The following ERGIC1 variants were observed in gnomAD, a reference collection of about 807,000 sequenced individuals.
ERGIC1 encodes the protein endoplasmic reticulum-Golgi intermediate compartment protein 1.
Under a neutral mutation model 38.3 loss-of-function variants are expected in ERGIC1, and 19 were observed. That is an observed-to-expected ratio of 0.50 (90% confidence interval 0.35 to 0.73). The LOEUF is 0.73. ERGIC1 is among the 30% of genes least tolerant of loss of function. The pLI is 0.01. For synonymous variants in ERGIC1, 124 were observed against 157.6 expected, an observed-to-expected ratio of 0.79 and a Z score of 1.60; for missense variants, 294 against 389.2, an observed-to-expected ratio of 0.76 and a Z score of 2.06.
At chr5:172,882,240 A>G (rs1275477164) in intron 1 of ERGIC1, among the ~76,000 whole-genome samples, 3 of 152,214 alleles carry the variant, frequency 2.0e-5, no homozygotes, top group African/African-American at 7.2e-5. Context: ...CTAGATTGGC[A>G]GCTTCATGGG....
intron 1 of ERGIC1, among the ~76,000 whole-genome samples, chr5:172,859,987 T>G (rs1438257150): frequency 6.6e-6 from 1 of 152,256 alleles, no homozygotes; most frequent in Non-Finnish European, 1.5e-5. Context: ...CTGCCAGAGG[T>G]GCTTCTGTAG....
At chr5:172,904,940 G>A (rs1354443120) in intron 3 of ERGIC1, among the ~76,000 whole-genome samples, 1 of 152,178 alleles carries the variant, frequency 6.6e-6, no homozygotes, top group East Asian at 1.9e-4. Context: ...TCCCTGCCCA[G>A]CACCGCAGCC....
At chr5:172,933,555 A>G (rs886479937) in intron 8 of ERGIC1, 1 of 152,182 alleles carries the variant, frequency 6.6e-6, no homozygotes, top group African/African-American at 2.4e-5. Context: ...CGGTCTGAGG[A>G]AGGGGCTGTG....
At chr5:172,888,529 G>A (rs942243120) in intron 1 of ERGIC1, among the ~76,000 whole-genome samples, 170 bp from the exon 2 acceptor site, 6 of 152,130 alleles carry the variant, frequency 3.9e-5, no homozygotes, top group Admixed American at 3.9e-4. Flanking sequence ...GTGGGGAGCA[G>A]GGGTTCCATC....
At chr5:172,884,463 C>G (rs746928986) in intron 1 of ERGIC1, among the ~76,000 whole-genome samples, 4 of 152,050 alleles carry the variant, frequency 2.6e-5, no homozygotes, top group Non-Finnish European at 5.9e-5. Context: ...TTATGTTGCC[C>G]AGGCTTTTCT....
intron 2 of ERGIC1, among the ~76,000 whole-genome samples, chr5:172,894,168 TTGAATGCTTCCCCGGTACAACTTTTTC>T: frequency 8.7e-6 from 1 of 115,074 alleles, no homozygotes; most frequent in Non-Finnish European, 1.8e-5. Context: ...AGTAAAACCT[TTGAATGCTTCCCCGGTACAACTTTTTC>T]TTTTTTTTTT....
At chr5:172,902,923 T>C (rs1762921606) in intron 3 of ERGIC1, among the ~76,000 whole-genome samples, 1 of 152,140 alleles carries the variant, frequency 6.6e-6, no homozygotes, top group South Asian at 2.1e-4. Context: ...ATCGAACTCA[T>C]GCCTCAGACT....
chr5:172,838,642 GGTT>G (rs1761087713), intron 1 of ERGIC1, among the ~76,000 whole-genome samples: 1 of 152,238 alleles, frequency 6.6e-6, no homozygotes, highest in Admixed American at 6.5e-5. Context: ...ATGTTGGCCA[GGTT>G]GTTCTTGAAC....
At chr5:172,836,274 T>C (rs974075963) in intron 1 of ERGIC1, among the ~76,000 whole-genome samples, 1 of 151,836 alleles carries the variant, frequency 6.6e-6, no homozygotes, top group Non-Finnish European at 1.5e-5. Flanking sequence ...GTAAGGAAAA[T>C]GGGTAAGGCC....
intron 4 of ERGIC1, among the ~76,000 whole-genome samples, chr5:172,912,894 A>G (rs547796): frequency 0.99 from 150,913 of 152,072 alleles, 74,884 homozygotes; most frequent in East Asian, 1. Flanking sequence ...TCAGCCTCCC[A>G]AGTAGCTGGG....
In ERGIC1 at chr5:172,915,162, C is replaced by G. The variant is rs1763328953; in HGVS notation, c.375+324C>G. 39 of 648,006 alleles carry G rather than the reference C, an allele frequency of 6.0e-5. No individual in the cohort carries two copies. In the South Asian group the frequency reaches 6.8e-4, roughly 11 times the overall value. The allele number at this position is 648,006 out of a possible 1,614,324, so 40.1% of individuals were successfully genotyped here. On this transcript the variant is annotated intron_variant, in intron 5 of 9. Transcript: ENST00000393784. ...CAGCTCTACCCCTTCTTGGCCCCTA[C>G]AAGTCACTTGACCCATCTTAGGCTG...
rs188249769 is a variant in ERGIC1 at position 172,840,883 on chromosome 5, A to G, written c.20+6450A>G. Among the ~76,000 whole-genome samples the G allele has an allele frequency of 2.3e-3, 346 of 152,308 alleles. 2 individuals are homozygous for G. Among genetic ancestry groups the G allele is most frequent in the African/African-American group, 8.0e-3 (331 of 41,574 alleles). On this transcript the variant is annotated intron_variant, in intron 1 of 9. Transcript: ENST00000393784. Reference sequence around the variant, plus strand: ...TAAAATGTATAAAGCCCTGGTCTGTATGATTGATTTGACTCAGTGTCCTCC... The same window carrying G: ...TAAAATGTATAAAGCCCTGGTCTGTGTGATTGATTTGACTCAGTGTCCTCC...
At chr5:172,939,637 C>G (rs1002406101) in intron 9 of ERGIC1, among the ~76,000 whole-genome samples, 106 of 152,370 alleles carry the variant, frequency 7.0e-4, no homozygotes, top group African/African-American at 2.4e-3. Flanking sequence ...CGTGGGCTGG[C>G]AAAGCCCTGG....
intron 1 of ERGIC1, among the ~76,000 whole-genome samples, chr5:172,838,339 G>A (rs1761082080): frequency 6.6e-6 from 1 of 152,168 alleles, no homozygotes; most frequent in African/African-American, 2.4e-5. Flanking sequence ...AGCCAAGCAT[G>A]GACCCCCCTC....
chr5:172,894,819 C>T (rs1561722588), intron 2 of ERGIC1, among the ~76,000 whole-genome samples: 2 of 152,252 alleles, frequency 1.3e-5, no homozygotes, highest in East Asian at 3.8e-4. Context: ...CAACAGGGCA[C>T]ATAGTAAGTG....
At chr5:172,886,822 C>G (rs1436206239) in intron 1 of ERGIC1, among the ~76,000 whole-genome samples, 12 of 152,200 alleles carry the variant, frequency 7.9e-5, no homozygotes, top group Non-Finnish European at 1.6e-4. Context: ...GCCCAGGCAT[C>G]TGATTCCACA....
intron 5 of ERGIC1, chr5:172,920,707 G>A: frequency 2.1e-6 from 1 of 481,722 alleles, no homozygotes; most frequent in East Asian, 3.9e-5. Flanking sequence ...GTGCTGAGGG[G>A]ACAGCCTTCT....
At chr5:172,923,955 G>GC (rs1763592784) in intron 5 of ERGIC1, 50 bp from the exon 6 acceptor site, 1 of 1,540,410 alleles carries the variant, frequency 6.5e-7, no homozygotes, top group Non-Finnish European at 8.9e-7. Context: ...CCAATGTTCC[G>GC]CCCCCTGGAG....
At chr5:172,920,465 CAGG>C (rs1763483236) in intron 5 of ERGIC1, 7 of 717,610 alleles carry the variant, frequency 9.8e-6, no homozygotes, top group South Asian at 7.4e-5. Flanking sequence ...GCCAGCCCCG[CAGG>C]AGGAGGACAG....
Sources: allele counts gnomAD v4.1 joint callset (sites outside exome capture counted in the v4.1 genomes callset), GRCh38; gene constraint gnomAD v4.1.1; transcripts MANE v1.5; gene names NCBI Gene and HGNC (gene_info 2026-07-23, HGNC 2026-07-21).